The following USP1 variants were observed in gnomAD, a reference collection of about 807,000 sequenced individuals.
The protein encoded by USP1 is ubiquitin specific peptidase 1, also known as ubiquitin carboxyl-terminal hydrolase 1.
USP1 carries 18 observed loss-of-function variants against 72.2 expected under a neutral mutation model. The ratio of observed to expected loss-of-function variants is 0.25; its 90% confidence interval spans 0.17 to 0.37. The LOEUF (loss-of-function observed/expected upper bound fraction) is 0.37, where lower values mean the gene tolerates loss of function less well. Among genes scored for constraint, USP1 ranks in the 10% least tolerant of loss-of-function variants. The pLI is 1.00. For synonymous variants in USP1, 354 were observed against 303.7 expected, an observed-to-expected ratio of 1.17 and a Z score of -1.72; for missense variants, 759 against 884.9, an observed-to-expected ratio of 0.86 and a Z score of 1.81.
chr1:62,451,100 T>G lies in USP1; in HGVS notation c.*119T>G. ...AGCTACTGGATATTATTGGTCTCTC[T>G]AGGTTTTTATATAAATAGTGAAATT... On this transcript the variant is annotated 3_prime_UTR_variant, in exon 9 of 9. Transcript: ENST00000339950. 4.0e-6 allele frequency: 4 copies of G among 1,000,298 alleles called. No individual in the cohort carries two copies. Among genetic ancestry groups the G allele is most frequent in the African/African-American group, 1.7e-5 (1 of 60,270 alleles). 62.0% of individuals were successfully genotyped at this position (1,000,298 alleles called of 1,614,324 possible).
In USP1 at chr1:62,451,015, A is replaced by G. The variant is rs1408926041; in HGVS notation, c.*34A>G. On this transcript the variant is annotated 3_prime_UTR_variant, in exon 9 of 9. Transcript: ENST00000339950. ...TATTTTCCTTGTGTATATATTAAAC[A>G]CACCCATACAAACATTGGTAAAGTT... 1 of 1,513,278 alleles carries G rather than the reference A, an allele frequency of 6.6e-7. No homozygotes were observed. Among genetic ancestry groups the G allele is most frequent in the Admixed American group, 2.3e-5 (1 of 44,244 alleles). 93.7% of individuals were successfully genotyped at this position (1,513,278 alleles called of 1,614,324 possible).
intron 8 of USP1, among the ~76,000 whole-genome samples, chr1:62,449,067 A>G (rs935299410): frequency 9.9e-5 from 15 of 152,022 alleles, no homozygotes; most frequent in Non-Finnish European, 2.1e-4. Context: ...TATTTTTAGT[A>G]GAGACAGGAT....
At position 62,445,262 on chromosome 1, in the gene USP1, TAAC is replaced by T. The variant is rs763262538; in HGVS notation, c.1088_1090del (p.Thr363del). On this transcript the variant is annotated inframe_deletion, in exon 6 of 9. Coordinates refer to ENST00000339950, the MANE Select transcript of USP1 (RefSeq NM_003368.5). ...TCTAAATTTTGTAGTCTGGGAAAAA[TAAC>T]AACAAACCAAGGAGTCAAAGGACAA... 3.2e-5 allele frequency: 52 copies of T among 1,612,624 alleles called. 1 individual carries two copies. The highest frequency in any genetic ancestry group is 3.3e-5 in the Admixed American group (2 of 59,742).
chr1:62,444,090 C>T (rs1043191177), intron 5 of USP1, among the ~76,000 whole-genome samples: 1 of 151,842 alleles, frequency 6.6e-6, no homozygotes, highest in South Asian at 2.1e-4. Context: ...GAAACCCTGC[C>T]CCTACTAAAA....
In USP1 at chr1:62,439,861, G is replaced by GA. The variant is rs766775789; in HGVS notation, c.1dup. ...CTCTTGACACTCCTTGGGATTTGAA[G>GA]AAAAAAATGCCTGGTGTCATACCTA... is the stretch of plus-strand genomic sequence containing the variant. On this transcript the variant is annotated 5_prime_UTR_variant, in exon 2 of 9. Transcript: ENST00000339950. 5.0e-5 allele frequency: 70 copies of GA among 1,389,148 alleles called. No homozygotes were observed. The South Asian group carries it at 8.4e-4, about 17-fold the overall frequency. The allele number at this position is 1,389,148 out of a possible 1,614,324, so 86.1% of individuals were successfully genotyped here.
chr1:62,448,291 G>T (rs1645190402), intron 7 of USP1, among the ~76,000 whole-genome samples, 174 bp from the exon 8 acceptor site: 1 of 152,192 alleles, frequency 6.6e-6, no homozygotes, highest in African/African-American at 2.4e-5. Context: ...TAAAAGGTAT[G>T]TATACTGTTG....
At chr1:62,441,668 T>C (rs1487972709) in intron 3 of USP1, 60 bp downstream of exon 3, 2 of 1,534,368 alleles carry the variant, frequency 1.3e-6, no homozygotes, top group East Asian at 4.7e-5. Flanking sequence ...ATGTAGCATT[T>C]AATGTTTTTG....
intron 1 of USP1, among the ~76,000 whole-genome samples, chr1:62,437,903 A>G (rs1440311293): frequency 2.6e-5 from 4 of 152,220 alleles, no homozygotes; most frequent in Non-Finnish European, 5.9e-5. Context: ...AAAAATCGGA[A>G]TCGAGTCGTG....
intron 7 of USP1, 70 bp from the exon 8 acceptor site, chr1:62,448,395 C>A (rs1235960670): frequency 2.1e-6 from 3 of 1,449,670 alleles, no homozygotes; most frequent in Non-Finnish European, 2.8e-6. Context: ...TAATTTTGAA[C>A]CTGAAACTTT....
chr1:62,439,670 A>G, intron 1 of USP1, 129 bp from the exon 2 acceptor site: 1 of 427,342 alleles, frequency 2.3e-6, no homozygotes, highest in South Asian at 1.1e-4. Context: ...GCTTATTGGC[A>G]GGCATTAGGT....
rs1356184136 is a variant in USP1, at chr1:62,444,802, T to C, written c.622T>C (p.Leu208=). Residue 208 remains leucine (L), a synonymous_variant, in exon 6 of 9, where the codon TTG becomes CTG. Transcript: ENST00000339950. ...TGCACAGGAAGTATTACAATGTATT[T>C]TGGGAAACATTCAAGAAACATGCCA... ...HDAQEVLQCI[L]GNIQETCQLL... 1.9e-6 allele frequency: 3 copies of C among 1,613,016 alleles called. No individual in the cohort carries two copies. The highest frequency in any genetic ancestry group is 1.1e-5 in the South Asian group (1 of 90,914).
Position 62,444,899 on chromosome 1 carries a change from A to C in USP1, c.719A>C (p.Lys240Thr). ...AAGGTAGAAGAAATACCTCATCCGA[A>C]AGAGGAAATGAATGGTATTAACAGC... ...PTKVEEIPHP[K>T]EEMNGINSIE... The change falls in exon 6 of 9, where the codon AAA (lysine) becomes ACA (threonine). Residue 240 changes from lysine to threonine, a missense_variant. Coordinates refer to ENST00000339950, the MANE Select transcript of USP1 (RefSeq NM_003368.5). 1 of 1,613,718 alleles carries C rather than the reference A, an allele frequency of 6.2e-7. No individual in the cohort carries two copies. Among genetic ancestry groups the C allele is most frequent in the Non-Finnish European group, 8.5e-7 (1 of 1,179,826 alleles).
intron 6 of USP1, 110 bp downstream of exon 6, chr1:62,445,539 A>G (rs548988529): frequency 7.6e-6 from 8 of 1,056,752 alleles, no homozygotes; most frequent in Non-Finnish European, 9.2e-6. Flanking sequence ...AATTGTTTCA[A>G]GAGAAGGAAA....
intron 3 of USP1, 107 bp from the exon 4 acceptor site, chr1:62,442,088 A>C: frequency 1.4e-6 from 1 of 719,942 alleles, no homozygotes; most frequent in South Asian, 2.2e-5. Flanking sequence ...TCAGAATTTT[A>C]GGGTAATACA....
At chr1:62,445,848 G>A (rs1193789532) in intron 6 of USP1, among the ~76,000 whole-genome samples, 1 of 152,014 alleles carries the variant, frequency 6.6e-6, no homozygotes. Context: ...GCATGGTGGC[G>A]CACGCCTGTA....
chr1:62,441,932 G>T (rs1645137049), intron 3 of USP1, among the ~76,000 whole-genome samples: 1 of 152,128 alleles, frequency 6.6e-6, no homozygotes, highest in Non-Finnish European at 1.5e-5. Flanking sequence ...GCATTGTGTT[G>T]TGTGTCCGTT....
intron 5 of USP1, among the ~76,000 whole-genome samples, chr1:62,444,182 C>T (rs1400860680): frequency 6.7e-6 from 1 of 149,626 alleles, no homozygotes; most frequent in Admixed American, 6.7e-5. Flanking sequence ...TCGCTTGAAC[C>T]CGGGAGGCGG....
In USP1 at chr1:62,448,593, C is replaced by A; in HGVS notation, c.1549C>A (p.Arg517=). Residue 517 remains arginine (R), a synonymous_variant, in exon 8 of 9, where the codon CGA becomes AGA. Coordinates refer to ENST00000339950, the MANE Select transcript of USP1 (RefSeq NM_003368.5). ...CTGCCATCATTATACTGAAGCTGAA[C>A]GAAGTCTTTTGTTTGACAAAATGCC... ...ENCHHYTEAE[R]SLLFDKMPEV... is the part of the protein sequence containing the mutation. The A allele has an allele frequency of 6.2e-7, 1 of 1,613,794 alleles. No individual in the cohort carries two copies. Among genetic ancestry groups the A allele is most frequent in the South Asian group, 1.1e-5 (1 of 91,068 alleles).
At chr1:62,441,739 T>G (rs1361182544) in intron 3 of USP1, 131 bp downstream of exon 3, 7 of 1,057,126 alleles carry the variant, frequency 6.6e-6, no homozygotes, top group Non-Finnish European at 9.1e-6. Context: ...TAAACCAGAA[T>G]AGGCTAAAAT....
Sources: gnomAD v4.1 joint callset for allele counts (sites outside exome capture counted in the v4.1 genomes callset) on GRCh38, gnomAD v4.1.1 for gene constraint, MANE v1.5 for transcripts, NCBI Gene and HGNC (gene_info 2026-07-23, HGNC 2026-07-21) for gene names.